The following DNAH9 variants were observed in gnomAD, a reference collection of about 807,000 sequenced individuals.
The protein encoded by DNAH9 is dynein axonemal heavy chain 9, also known as DNAH9 variant protein.
In DNAH9, 345 loss-of-function variants were observed where a neutral mutation model predicts 471.6. The observed-to-expected ratio is 0.73, with a 90% CI of 0.67 to 0.80. DNAH9 has a LOEUF of 0.80. DNAH9 is among the 30% of genes least tolerant of loss of function. The pLI is 0.00. For synonymous variants in DNAH9, 2,093 were observed against 2,123.6 expected (o/e 0.99, Z 0.40); for missense variants, 5,407 against 5,609.2 (o/e 0.96, Z 1.15).
chr17:11,949,338 G>GTT (rs985140977), intron 67 of DNAH9, among the ~76,000 whole-genome samples: 47 of 152,280 alleles, frequency 3.1e-4, no homozygotes, highest in African/African-American at 1.1e-3. Context: ...AGGGTCCAGT[G>GTT]TTTTAAGTTT....
intron 38 of DNAH9, among the ~76,000 whole-genome samples, chr17:11,775,042 G>A (rs925508133): frequency 2.0e-5 from 3 of 152,052 alleles, no homozygotes; most frequent in Admixed American, 1.3e-4. Flanking sequence ...CACCTGCCCT[G>A]TTTCAGACAA....
Position 11,874,992 on chromosome 17 carries a change from T to C in DNAH9, c.10286T>C (p.Leu3429Pro). The C allele has an allele frequency of 6.2e-7, 1 of 1,614,144 alleles. No individual in the cohort carries two copies. Among genetic ancestry groups the C allele is most frequent in the Admixed American group, 1.7e-5 (1 of 60,022 alleles). The change falls in exon 53 of 69, where the codon CTG becomes CCG. Residue 3429 changes from leucine (L) to proline (P), a missense_variant. This residue lies in a region of DNAH9 where 4,636 missense variants were observed against 4,900.3 expected (regional missense o/e 0.95). Transcript: ENST00000262442. ...CCAGCCCTGGATCCCCTGAGGATGC[T>C]GATGGATGATGCTGACGTGGCTGCC... is the stretch of plus-strand genomic sequence containing the variant. ...VTPALDPLRM[L>P]MDDADVAAWQ...
At chr17:11,845,511 C>G (rs1161361037) in intron 49 of DNAH9, among the ~76,000 whole-genome samples, 178 of 147,980 alleles carry the variant, frequency 1.2e-3, no homozygotes, top group African/African-American at 3.6e-3. Flanking sequence ...AGTCCTTTGG[C>G]TATATACCCA....
intron 67 of DNAH9, among the ~76,000 whole-genome samples, chr17:11,947,246 A>T (rs1200427667): frequency 6.6e-6 from 1 of 152,238 alleles, no homozygotes; most frequent in Non-Finnish European, 1.5e-5. Flanking sequence ...TTCACTAACC[A>T]AACTCACAAA....
At chr17:11,746,118 A>G (rs1370309901) in intron 31 of DNAH9, among the ~76,000 whole-genome samples, 1 of 152,244 alleles carries the variant, frequency 6.6e-6, no homozygotes, top group Non-Finnish European at 1.5e-5. Context: ...TCAAGAGTCA[A>G]GAGAAAAGAA....
chr17:11,652,207 A>G (rs971940420), intron 13 of DNAH9, among the ~76,000 whole-genome samples: 19 of 150,688 alleles, frequency 1.3e-4, no homozygotes, highest in African/African-American at 3.9e-4. Context: ...CAGCTGTACC[A>G]GCTTTTGTGT....
At chr17:11,739,905 T>A (rs905437351) in intron 29 of DNAH9, among the ~76,000 whole-genome samples, 1 of 152,150 alleles carries the variant, frequency 6.6e-6, no homozygotes, top group African/African-American at 2.4e-5. Flanking sequence ...AACTGTTTTG[T>A]CTCATTTTTG....
intron 62 of DNAH9, among the ~76,000 whole-genome samples, chr17:11,927,986 C>T (rs1213158640): frequency 1.3e-5 from 2 of 152,102 alleles, no homozygotes; most frequent in African/African-American, 4.8e-5. Flanking sequence ...CCACTAAACA[C>T]TCTGCTCCAA....
chr17:11,662,412 T>C (rs1168030165), intron 14 of DNAH9, among the ~76,000 whole-genome samples: 1 of 152,168 alleles, frequency 6.6e-6, no homozygotes, highest in Non-Finnish European at 1.5e-5. Flanking sequence ...AGTCTATTTC[T>C]TTTCTCTTTT....
intron 8 of DNAH9, 138 bp downstream of exon 8, chr17:11,632,841 G>A: frequency 2.0e-6 from 1 of 503,734 alleles, no homozygotes; most frequent in East Asian, 2.8e-5. Context: ...AGAAGGATAT[G>A]GGAATCCTTC....
At position 11,963,512 on chromosome 17, in the gene DNAH9, G is replaced by A. The variant is rs1166871135; in HGVS notation, c.13233+1256G>A. On this transcript the variant is annotated intron_variant, in intron 68 of 68. Coordinates refer to ENST00000262442, the MANE Select transcript of DNAH9 (RefSeq NM_001372.4). Reference sequence around the variant, plus strand: ...AATAGACACTGGATTATTAGAGGGTGTAGGGAGAGGTGGGGGTTAATAAAA... The same window carrying A: ...AATAGACACTGGATTATTAGAGGGTATAGGGAGAGGTGGGGGTTAATAAAA... Among the ~76,000 whole-genome samples the A allele has an allele frequency of 3.9e-5, 6 of 152,216 alleles. No homozygotes were observed. The South Asian group carries it at 1.0e-3, about 26-fold the overall frequency.
At chr17:11,648,340 C>A (rs1008131545) in intron 12 of DNAH9, among the ~76,000 whole-genome samples, 2 of 152,170 alleles carry the variant, frequency 1.3e-5, no homozygotes, top group East Asian at 3.9e-4. Context: ...TTTGGCAAGA[C>A]GTGAGTCTGT....
chr17:11,923,371 G>C (rs1974203998), intron 61 of DNAH9, among the ~76,000 whole-genome samples: 1 of 150,636 alleles, frequency 6.6e-6, no homozygotes, highest in African/African-American at 2.5e-5. Context: ...TGAGCCAGTG[G>C]CGCAATCTCG....
In DNAH9 at chr17:11,669,375, C is replaced by T. The variant is rs1445186186; in HGVS notation, c.2934C>T (p.Asp978=). Residue 978 remains aspartate, a synonymous_variant, in exon 17 of 69, where the codon GAC becomes GAT. Transcript: ENST00000262442. ...PQNGSPHYQV[D]LDGIPDLANM... ...CCGTTGTCTCGCTTCCCCAGGTCGA[C>T]CTGGACGGTATACCAGATTTGGCAA... is the stretch of plus-strand genomic sequence containing the variant. 6.2e-7 allele frequency: 1 copy of T among 1,610,420 alleles called. No homozygotes were observed. The highest frequency in any genetic ancestry group is 8.5e-7 in the Non-Finnish European group (1 of 1,177,852).
chr17:11,737,913 T>C (rs757752732), intron 28 of DNAH9, among the ~76,000 whole-genome samples: 44 of 152,220 alleles, frequency 2.9e-4, no homozygotes, highest in Admixed American at 1.7e-3. Context: ...GATGGTCACA[T>C]GGGTATCCCT....
In DNAH9 at chr17:11,775,881, C is replaced by T. The variant is rs540367826; in HGVS notation, c.7553-5128C>T. Among the ~76,000 whole-genome samples, 88 of 152,196 alleles carry T rather than the reference C, an allele frequency of 5.8e-4. 1 individual carries two copies. Among genetic ancestry groups the T allele is most frequent in the South Asian group, 4.1e-3 (20 of 4,824 alleles). ...TGCTGGGATTATAGGCGTGAGCCAC[C>T]GCGCCGGGCCAATCAGATGTTCTTT... On this transcript the variant is annotated intron_variant, in intron 38 of 68. Coordinates refer to ENST00000262442, the MANE Select transcript of DNAH9 (RefSeq NM_001372.4).
chr17:11,857,375 C>G (rs954259525), intron 50 of DNAH9, among the ~76,000 whole-genome samples: 15 of 152,306 alleles, frequency 9.8e-5, no homozygotes, highest in East Asian at 7.7e-4. Context: ...TCCCCGTCAA[C>G]ATCCCAGGAA....
At position 11,937,547 on chromosome 17, in the gene DNAH9, G is replaced by A; in HGVS notation, c.12660+25G>A. Reference sequence around the variant, plus strand: ...GGTGTGTGTGGTGGGGACTGCCTGAGGTCGTTCTGGGGGACCCCGAGGATC... The same window carrying A: ...GGTGTGTGTGGTGGGGACTGCCTGAAGTCGTTCTGGGGGACCCCGAGGATC... On this transcript the variant is annotated intron_variant, in intron 66 of 68. Coordinates refer to ENST00000262442, the MANE Select transcript of DNAH9 (RefSeq NM_001372.4). This position sits in a 1 kb window ranked among gnomAD's most constrained non-coding sequence, Gnocchi z 4.1. The A allele has an allele frequency of 1.3e-6, 2 of 1,585,106 alleles. No homozygotes were observed. The highest frequency in any genetic ancestry group is 8.6e-7 in the Non-Finnish European group (1 of 1,162,990).
intron 14 of DNAH9, among the ~76,000 whole-genome samples, chr17:11,660,660 G>A (rs1402975779): frequency 3.3e-5 from 5 of 152,106 alleles, no homozygotes; most frequent in African/African-American, 1.2e-4. Flanking sequence ...TCACTTTGAA[G>A]TTTGTTGTTT....
Sources: gnomAD v4.1 joint callset for allele counts (sites outside exome capture counted in the v4.1 genomes callset) on GRCh38, gnomAD v4.1.1 for gene constraint, gnomAD v4.1.1 regional missense constraint, Gnocchi (gnomAD v3.1) non-coding constraint, MANE v1.5 for transcripts, NCBI Gene and HGNC (gene_info 2026-07-23, HGNC 2026-07-21) for gene names.